Variants in WNK3 observed in about 807,000 individuals in gnomAD.
WNK3 encodes the protein WNK lysine deficient protein kinase 3.
WNK3 carries 18 observed loss-of-function variants against 116.7 expected under a neutral mutation model. The observed-to-expected ratio is 0.15, with a 90% CI of 0.11 to 0.23. The LOEUF is 0.23. Among genes scored for constraint, WNK3 ranks in the 10% least tolerant of loss-of-function variants. The pLI is 1.00. For synonymous variants in WNK3, 404 were observed against 469.4 expected (o/e 0.86, Z 1.80); for missense variants, 993 against 1,323.8 (o/e 0.75, Z 3.88).
At position 54,293,347 on chromosome X, in the gene WNK3, G is replaced by C. The variant is rs1257565974; in HGVS notation, c.1694-20C>G. 1 of 1,157,591 alleles carries C rather than the reference G, an allele frequency of 8.6e-7. No homozygotes were observed. Among genetic ancestry groups the C allele is most frequent in the African/African-American group, 1.8e-5 (1 of 55,311 alleles). On this transcript the variant is annotated intron_variant, in intron 8 of 23. Transcript: ENST00000354646. ...TGTCACCTATAAAAAAAGAAAATAA[G>C]TAACAGGTAGAAGGGAAAACTTGAA... is the stretch of plus-strand genomic sequence containing the variant.
intron 1 of WNK3, among the ~76,000 whole-genome samples, chrX:54,337,597 T>TAAATAAATAAATAAAA (rs1162943338): frequency 1.4e-3 from 145 of 105,176 alleles, no homozygotes; most frequent in Middle Eastern, 4.9e-3. Context: ...AATAAATAAA[T>TAAATAAATAAATAAAA]AAAATATTTG....
At chrX:54,293,463 C>T (rs782554978) in intron 8 of WNK3, 136 bp from the exon 9 acceptor site, 149 of 421,552 alleles carry the variant, frequency 3.5e-4, no homozygotes, top group Middle Eastern at 1.3e-3. Context: ...AAAATATTTA[C>T]ACTACAACAT....
At chrX:54,207,591 G>A (rs549739247) in intron 22 of WNK3, among the ~76,000 whole-genome samples, 5 of 96,925 alleles carry the variant, frequency 5.2e-5, no homozygotes, top group African/African-American at 2.0e-4. Context: ...TCGGCTCACT[G>A]CAACCTCCGC....
chrX:54,268,035 G>C (rs148995172), intron 10 of WNK3, among the ~76,000 whole-genome samples: 2,314 of 105,264 alleles, frequency 0.022, 31 homozygotes, highest in Non-Finnish European at 0.033. Flanking sequence ...TTCTCTCCTA[G>C]AACACAAAGT....
At chrX:54,200,146 T>C (rs2067487254) in intron 23 of WNK3, among the ~76,000 whole-genome samples, 1 of 112,460 alleles carries the variant, frequency 8.9e-6, no homozygotes, top group South Asian at 3.6e-4. Context: ...AGGTCAAATT[T>C]CCCGTATTAT....
intron 21 of WNK3, 79 bp downstream of exon 21, chrX:54,232,730 A>C: frequency 1.2e-6 from 1 of 837,054 alleles, no homozygotes; most frequent in African/African-American, 2.1e-5. Flanking sequence ...AATTAAAAAT[A>C]AATTGTATTA....
chrX:54,213,553 C>CAAAAAAAAAAAAAAAAAAAA (rs782580375), intron 22 of WNK3, among the ~76,000 whole-genome samples: 32 of 14,235 alleles, frequency 2.2e-3, no homozygotes, highest in Non-Finnish European at 2.6e-3. Flanking sequence ...GACTCCGTCT[C>CAAAAAAAAAAAAAAAAAAAA]AAAAAAAAAA....
chrX:54,248,995 C>A, exon 17 of WNK3: 1 of 1,211,813 alleles, frequency 8.3e-7, no homozygotes, highest in Non-Finnish European at 1.1e-6. Context: ...GAGCAAGTTT[C>A]TTAATTTTTC....
chrX:54,212,894 G>A (rs1331174394), intron 22 of WNK3, among the ~76,000 whole-genome samples: 3 of 111,505 alleles, frequency 2.7e-5, no homozygotes, highest in African/African-American at 9.8e-5. Context: ...ATATGTGTGT[G>A]TATATATATG....
intron 22 of WNK3, among the ~76,000 whole-genome samples, chrX:54,218,157 G>A (rs1433476541): frequency 4.5e-5 from 5 of 111,408 alleles, no homozygotes; most frequent in Admixed American, 2.9e-4. Context: ...AATATGGATC[G>A]AAAATACAGT....
intron 2 of WNK3, among the ~76,000 whole-genome samples, chrX:54,321,112 A>G (rs28560320): frequency 0.16 from 17,339 of 109,456 alleles, 2,733 homozygotes; most frequent in African/African-American, 0.48. Flanking sequence ...GGCCAGGCTG[A>G]TCTCGAATGT....
chrX:54,328,486 T>C (rs1212407540), intron 2 of WNK3, among the ~76,000 whole-genome samples: 2 of 110,257 alleles, frequency 1.8e-5, no homozygotes, highest in Admixed American at 2.0e-4. Context: ...CTGGGGATGG[T>C]GGCCTATGCC....
At chrX:54,238,164 C>T (rs1348197358) in intron 19 of WNK3, among the ~76,000 whole-genome samples, 178 bp downstream of exon 19, 1 of 110,588 alleles carries the variant, frequency 9.0e-6, no homozygotes, top group Non-Finnish European at 1.9e-5. Flanking sequence ...ACCAAGGAGA[C>T]GGAGGTTGCA....
chrX:54,249,819 C>A, intron 16 of WNK3, among the ~76,000 whole-genome samples, 175 bp downstream of exon 16: 1 of 111,543 alleles, frequency 9.0e-6, no homozygotes, highest in Middle Eastern at 4.6e-3. Flanking sequence ...CCTTTTTTCT[C>A]ATAAATATTA....
In WNK3 at chrX:54,309,099, G is replaced by C. The variant is rs782203842; in HGVS notation, c.927C>G (p.Val309=). ...AAACTGTAAAACTTTAATCACCAAT[G>C]ACACTCTTAGCAAATGAGGTACGCA... The change falls in exon 4 of 24, where the codon GTC becomes GTG. Residue 309 remains valine (V), a synonymous_variant. Transcript: ENST00000354646. The C allele has an allele frequency of 1.3e-5, 16 of 1,204,399 alleles. No homozygotes were observed. In the Admixed American group the frequency reaches 3.5e-4, roughly 26 times the overall value.
rs1557150698 is a variant in WNK3, at chrX:54,238,327, A to G, written c.4014+15T>C. 4 of 1,203,130 alleles carry G rather than the reference A, an allele frequency of 3.3e-6. No homozygotes were observed. Among genetic ancestry groups the G allele is most frequent in the Non-Finnish European group, 4.5e-6 (4 of 892,336 alleles). ...TAATGCCCTTGTAGATAAGGATTCA[A>G]TCAAAGACACAAACCTGGAACCGAC... On this transcript the variant is annotated intron_variant, in intron 19 of 23. Transcript: ENST00000354646.
chrX:54,216,785 C>T (rs2067700948), intron 22 of WNK3, among the ~76,000 whole-genome samples: 1 of 112,222 alleles, frequency 8.9e-6, no homozygotes, highest in Non-Finnish European at 1.9e-5. Context: ...TTAGTGAACT[C>T]TTCTGACCAA....
chrX:54,233,874 G>A lies in WNK3; in HGVS notation c.4629-854C>T, dbSNP rs949055528. Among the ~76,000 whole-genome samples, 6 of 107,637 alleles carry A rather than the reference G, an allele frequency of 5.6e-5. 1 individual carries two copies. The highest frequency in any genetic ancestry group is 6.8e-5 in the African/African-American group (2 of 29,474). The allele number at this position is 107,637 out of a possible 115,157, so 93.5% of individuals were successfully genotyped here. A position where few individuals can be genotyped will look rare whatever the true frequency, so the allele number is the denominator to read the frequency against. ...CACGTGCCTGTAGTACAAGCATCTC[G>A]GGATGCTGAGGCAGGTAGATCTCTT... is the stretch of plus-strand genomic sequence containing the variant. On this transcript the variant is annotated intron_variant, in intron 20 of 23. Coordinates refer to ENST00000354646, the Ensembl canonical transcript of WNK3.
intron 21 of WNK3, among the ~76,000 whole-genome samples, chrX:54,229,131 T>C (rs1249337293): frequency 9.0e-6 from 1 of 111,543 alleles, no homozygotes; most frequent in African/African-American, 3.2e-5. Context: ...AAATTAATCA[T>C]ATTTCTCTAT....
Sources: allele counts gnomAD v4.1 joint callset (sites outside exome capture counted in the v4.1 genomes callset), GRCh38; gene constraint gnomAD v4.1.1; transcripts MANE v1.5; gene names NCBI Gene and HGNC (gene_info 2026-07-23, HGNC 2026-07-21).